The following IMPG1 variants were observed in gnomAD, a reference collection of about 807,000 sequenced individuals.
IMPG1 encodes the protein interphotoreceptor matrix proteoglycan of 150 kDa.
IMPG1 carries 85 observed loss-of-function variants against 92.0 expected under a neutral mutation model. That is an observed-to-expected ratio of 0.92 (90% CI 0.78 to 1.11). The LOEUF (loss-of-function observed/expected upper bound fraction) is 1.11, where lower values mean the gene tolerates loss of function less well. Among genes scored for constraint, IMPG1 ranks in the 50% least tolerant of loss-of-function variants. The probability of loss-of-function intolerance (pLI) is 0.00; values close to 1 mark genes in which losing one functional copy is unlikely to be tolerated. For missense variants in IMPG1, 1,022 were observed against 956.0 expected, an observed-to-expected ratio of 1.07 and a Z score of -0.91; for synonymous variants, 367 against 334.1, an observed-to-expected ratio of 1.10 and a Z score of -1.08.
chr6:75,933,725 A>T lies in IMPG1; in HGVS notation c.2045-2574T>A, dbSNP rs115979047. 8.2e-3 allele frequency among the ~76,000 whole-genome samples: 1,254 copies of T among 152,220 alleles called. 18 individuals are homozygous for T. Among genetic ancestry groups the T allele is most frequent in the African/African-American group, 0.028 (1,157 of 41,512 alleles). Reference sequence around the variant, plus strand: ...CATTTCAGGCCCTGTCCCTGGAGTGACCCTGGGGATCATGACCCTGAACCT... The same window carrying T: ...CATTTCAGGCCCTGTCCCTGGAGTGTCCCTGGGGATCATGACCCTGAACCT... On this transcript the variant is annotated intron_variant, in intron 14 of 16. Coordinates refer to ENST00000369950, the MANE Select transcript of IMPG1 (RefSeq NM_001563.4).
intron 12 of IMPG1, among the ~76,000 whole-genome samples, chr6:75,953,560 T>A (rs781752483): frequency 2.6e-5 from 4 of 152,116 alleles, no homozygotes; most frequent in African/African-American, 4.8e-5. Flanking sequence ...TCCAGCTTCA[T>A]CCATGTCCCA....
chr6:76,037,357 T>C (rs1026960483), intron 2 of IMPG1, among the ~76,000 whole-genome samples: 30 of 152,042 alleles, frequency 2.0e-4, no homozygotes, highest in African/African-American at 7.0e-4. Context: ...CAGGAGAGGG[T>C]GCAGTCCTGA....
chr6:75,968,058 A>G (rs966336170), intron 12 of IMPG1, among the ~76,000 whole-genome samples: 1 of 152,234 alleles, frequency 6.6e-6, no homozygotes, highest in East Asian at 1.9e-4. Flanking sequence ...AATCTGTCCA[A>G]GAAGCTGTGG....
chr6:75,960,119 T>C (rs1582068086), intron 12 of IMPG1, among the ~76,000 whole-genome samples: 1 of 152,134 alleles, frequency 6.6e-6, no homozygotes, highest in Admixed American at 6.6e-5. Flanking sequence ...CTAGGGGTGG[T>C]AGTTGCCCAA....
intron 1 of IMPG1, among the ~76,000 whole-genome samples, chr6:76,050,571 T>A (rs1350159062): frequency 6.6e-6 from 1 of 152,228 alleles, no homozygotes; most frequent in Non-Finnish European, 1.5e-5. Flanking sequence ...TTGACTGGCA[T>A]CCCTGAAGAC....
chr6:76,070,106 C>A (rs1461595941), intron 1 of IMPG1, among the ~76,000 whole-genome samples: 1 of 152,142 alleles, frequency 6.6e-6, no homozygotes, highest in Admixed American at 6.6e-5. Flanking sequence ...ATGTAACTAA[C>A]CTGCACATGT....
chr6:76,008,375 A>G (rs1270762426), intron 8 of IMPG1, among the ~76,000 whole-genome samples: 1 of 152,186 alleles, frequency 6.6e-6, no homozygotes, highest in Admixed American at 6.6e-5. Context: ...CTCCTTTTAC[A>G]TTTCAAATGG....
intron 12 of IMPG1, among the ~76,000 whole-genome samples, chr6:75,980,413 G>A (rs1392967015): frequency 6.6e-6 from 1 of 152,186 alleles, no homozygotes; most frequent in Non-Finnish European, 1.5e-5. Context: ...AGGATGCAAA[G>A]CATCGTTCCT....
intron 15 of IMPG1, among the ~76,000 whole-genome samples, chr6:75,926,746 A>C (rs1398911351): frequency 6.6e-6 from 1 of 152,240 alleles, no homozygotes; most frequent in Non-Finnish European, 1.5e-5. Flanking sequence ...GGAAGTTTGA[A>C]GTAAGTTCCT....
intron 12 of IMPG1, among the ~76,000 whole-genome samples, chr6:76,001,308 A>AAGTTT (rs1782984558): frequency 6.6e-6 from 1 of 152,206 alleles, no homozygotes; most frequent in Non-Finnish European, 1.5e-5. Context: ...ATTTCATGAA[A>AAGTTT]AGTTTTGTTT....
At position 75,924,545 on chromosome 6, in the gene IMPG1, A is replaced by T. The variant is rs1455740102; in HGVS notation, c.2244-839T>A. On this transcript the variant is annotated intron_variant, in intron 15 of 16. Transcript: ENST00000369950. Reference sequence around the variant, plus strand: ...TTATATATTATAATATAATTATATAATATAATTAATATAATTATATATTAT... The same window carrying T: ...TTATATATTATAATATAATTATATATTATAATTAATATAATTATATATTAT... 4.8e-5 allele frequency among the ~76,000 whole-genome samples: 2 copies of T among 42,090 alleles called. 1 individual carries two copies. Among genetic ancestry groups the T allele is most frequent in the African/African-American group, 1.6e-4 (2 of 12,142 alleles). The allele number at this position is 42,090 out of a possible 152,430, so 27.6% of individuals were successfully genotyped here.
intron 12 of IMPG1, among the ~76,000 whole-genome samples, chr6:75,991,045 T>C (rs1372014215): frequency 1.3e-5 from 2 of 152,202 alleles, no homozygotes; most frequent in Non-Finnish European, 2.9e-5. Context: ...CAGGTGGCTT[T>C]GTCTGTGGTT....
chr6:76,058,681 A>G (rs1784158247), intron 1 of IMPG1, among the ~76,000 whole-genome samples: 1 of 152,154 alleles, frequency 6.6e-6, no homozygotes, highest in South Asian at 2.1e-4. Context: ...GCTCAACGGT[A>G]GAGGGAAGTT....
At chr6:76,003,070 T>C in intron 11 of IMPG1, 74 bp from the exon 12 acceptor site, 1 of 1,018,412 alleles carries the variant, frequency 9.8e-7, no homozygotes, top group Non-Finnish European at 1.5e-6. Context: ...TATACCCATA[T>C]TTCAAAATTT....
chr6:76,008,603 C>T (rs1783133579), intron 8 of IMPG1, among the ~76,000 whole-genome samples: 2 of 152,216 alleles, frequency 1.3e-5, no homozygotes, highest in African/African-American at 2.4e-5. Context: ...ACCAGACACT[C>T]ATCCTCCCTC....
chr6:76,030,473 T>C (rs1783634515), intron 4 of IMPG1, among the ~76,000 whole-genome samples: 1 of 152,106 alleles, frequency 6.6e-6, no homozygotes, highest in African/African-American at 2.4e-5. Flanking sequence ...AAAAAATGCC[T>C]TTTTCTCCTT....
intron 8 of IMPG1, among the ~76,000 whole-genome samples, chr6:76,007,977 T>G (rs1582100685): frequency 6.6e-6 from 1 of 152,198 alleles, no homozygotes; most frequent in Non-Finnish European, 1.5e-5. Flanking sequence ...GGAACTGGTG[T>G]TTTCTTGACA....
At chr6:75,953,435 G>A (rs1181842102) in intron 12 of IMPG1, among the ~76,000 whole-genome samples, 1 of 151,606 alleles carries the variant, frequency 6.6e-6, no homozygotes, top group Admixed American at 6.6e-5. Context: ...CCTACTGTGC[G>A]ACAGGTGTGT....
intron 14 of IMPG1, among the ~76,000 whole-genome samples, chr6:75,937,759 G>A (rs986240176): frequency 2.6e-5 from 4 of 152,108 alleles, no homozygotes; most frequent in South Asian, 4.1e-4. Context: ...AAACAAGCTC[G>A]TTGAGCCACA....
Sources: allele counts gnomAD v4.1 joint callset (sites outside exome capture counted in the v4.1 genomes callset), GRCh38; gene constraint gnomAD v4.1.1; transcripts MANE v1.5; gene names NCBI Gene and HGNC (gene_info 2026-07-23, HGNC 2026-07-21).